The following COG7 variants were observed in gnomAD, a reference collection of about 807,000 sequenced individuals.
The protein encoded by COG7 is conserved oligomeric Golgi complex subunit 7.
COG7 carries 49 observed loss-of-function variants against 91.5 expected under a neutral mutation model. The ratio of observed to expected loss-of-function variants is 0.54; its 90% CI spans 0.43 to 0.68. The LOEUF (loss-of-function observed/expected upper bound fraction) is 0.68, where lower values mean the gene tolerates loss of function less well. Ranked by LOEUF, COG7 falls within the 30% of genes least tolerant of loss-of-function variation. The pLI is 0.00. For synonymous variants in COG7, 365 were observed against 388.7 expected (o/e 0.94, Z 0.72); for missense variants, 895 against 961.3 (o/e 0.93, Z 0.91).
rs564535032 is a variant in COG7 at position 23,433,045 on chromosome 16, C to T, written c.810+500G>A. Among the ~76,000 whole-genome samples, 3 of 152,222 alleles carry T rather than the reference C, an allele frequency of 2.0e-5. No homozygotes were observed. In the East Asian group the frequency reaches 5.8e-4, roughly 29 times the overall value. On this transcript the variant is annotated intron_variant, in intron 6 of 16. Coordinates refer to ENST00000307149, the MANE Select transcript of COG7 (RefSeq NM_153603.4). ...AGTGGAGACCTAAAGATTTCACTGA[C>T]GTGGATTTCTAAGCTTATCTTTTAA...
chr16:23,453,161 C>A lies in COG7; in HGVS notation c.-167G>T, dbSNP rs139597077. 810 of 1,416,960 alleles carry A rather than the reference C, an allele frequency of 5.7e-4. 5 individuals are homozygous for A. The African/African-American group carries it at 9.7e-3, about 17-fold the overall frequency. The allele number at this position is 1,416,960 out of a possible 1,614,324, so 87.8% of individuals were successfully genotyped here. On this transcript the variant is annotated 5_prime_UTR_variant, in exon 1 of 17. Transcript: ENST00000307149. The stretch of plus-strand genomic sequence containing the variant: ...CCCCTTTGCGCTTCCCCGCTCAGCG[C>A]ACTCAGTTTGCGGCTGGGAATGACC...
At chr16:23,403,861 T>C (rs1461013225) in intron 12 of COG7, 27 bp from the exon 13 acceptor site, 7 of 1,613,974 alleles carry the variant, frequency 4.3e-6, no homozygotes, top group Admixed American at 3.3e-5. Flanking sequence ...CAAAAGGCAG[T>C]TGTTAGGCCT....
chr16:23,390,060 A>G (rs1456466768), intron 16 of COG7: 1 of 152,242 alleles, frequency 6.6e-6, no homozygotes, highest in Non-Finnish European at 1.5e-5. Context: ...CAATATATCA[A>G]TGCTGCCTTT....
intron 1 of COG7, among the ~76,000 whole-genome samples, chr16:23,450,582 C>T (rs1187338152): frequency 3.3e-5 from 5 of 152,082 alleles, no homozygotes; most frequent in African/African-American, 1.2e-4. Flanking sequence ...AATCCCAGCA[C>T]TTTAGGAGGC....
Position 23,445,391 on chromosome 16 carries a change from G to A in COG7, c.319-227C>T, listed in dbSNP as rs777682549. Among the ~76,000 whole-genome samples, 5 of 152,090 alleles carry A rather than the reference G, an allele frequency of 3.3e-5. No individual in the cohort carries two copies. In the East Asian group the frequency reaches 7.7e-4, roughly 23 times the overall value. ...CGGGGAGCCAGGCACAGTGGCTCAC[G>A]CCTGTAATCCCAGCACTTTGGGAGG... On this transcript the variant is annotated intron_variant, in intron 2 of 16. Transcript: ENST00000307149.
rs146260097 is a variant in COG7, at chr16:23,413,617, C to G, written c.1293-53G>C. 37 of 945,288 alleles carry G rather than the reference C, an allele frequency of 3.9e-5. No homozygotes were observed. In the African/African-American group the frequency reaches 5.8e-4, roughly 15 times the overall value. 58.6% of individuals were successfully genotyped at this position (945,288 alleles called of 1,614,324 possible). A position where few individuals can be genotyped will look rare whatever the true frequency, so the allele number is the denominator to read the frequency against. Reference sequence around the variant, plus strand: ...GGAGGTCACCACTGATTCCCCAACTCTAAAGAGACCTGGAATTCTACAGCT... The same window carrying G: ...GGAGGTCACCACTGATTCCCCAACTGTAAAGAGACCTGGAATTCTACAGCT... On this transcript the variant is annotated intron_variant, in intron 9 of 16. Coordinates refer to ENST00000307149, the MANE Select transcript of COG7 (RefSeq NM_153603.4).
At chr16:23,405,631 C>T (rs781184419) in intron 12 of COG7, among the ~76,000 whole-genome samples, 9 of 151,964 alleles carry the variant, frequency 5.9e-5, no homozygotes, top group Non-Finnish European at 1.2e-4. Context: ...ATTCTCCCAC[C>T]TCTGCCTCCC....
rs767276523 is a variant in COG7, at chr16:23,425,806, C to T, written c.811-859G>A. On this transcript the variant is annotated intron_variant, in intron 6 of 16. Coordinates refer to ENST00000307149, the MANE Select transcript of COG7 (RefSeq NM_153603.4). ...GCAAGACTTGGAACTTGCAACTTGC[C>T]TAGAACAACTGGCAAGTTCATGTCT... Among the ~76,000 whole-genome samples, 39 of 152,272 alleles carry T rather than the reference C, an allele frequency of 2.6e-4. No individual in the cohort carries two copies. The Middle Eastern group carries it at 0.014, about 53-fold the overall frequency.
intron 15 of COG7, among the ~76,000 whole-genome samples, 185 bp from the exon 16 acceptor site, chr16:23,392,708 T>A (rs576364555): frequency 6.6e-6 from 1 of 152,146 alleles, no homozygotes; most frequent in South Asian, 2.1e-4. Flanking sequence ...GGCAGGCGGA[T>A]CATTTGAGGT....
chr16:23,433,757 C>T (rs569866478), intron 5 of COG7, 90 bp from the exon 6 acceptor site: 36 of 1,523,704 alleles, frequency 2.4e-5, no homozygotes, highest in South Asian at 2.0e-4. Flanking sequence ...AGCGTAATCA[C>T]GGATTGCTCA....
In COG7 at chr16:23,414,915, C is replaced by T. The variant is rs1177350183; in HGVS notation, c.1293-1351G>A. ...GCCTTGCCGCTTGCCCCTCCCAAAA[C>T]GAAGCTCTAAATGAGGAAAGTGAAA... On this transcript the variant is annotated intron_variant, in intron 9 of 16. Coordinates refer to ENST00000307149, the MANE Select transcript of COG7 (RefSeq NM_153603.4). 3.3e-5 allele frequency: 5 copies of T among 152,198 alleles called. 1 individual carries two copies. Among genetic ancestry groups the T allele is most frequent in the South Asian group, 4.1e-4 (2 of 4,830 alleles). 9.4% of individuals were successfully genotyped at this position (152,198 alleles called of 1,614,324 possible). A position where few individuals can be genotyped will look rare whatever the true frequency, so the allele number is the denominator to read the frequency against.
rs765706024 is a variant in COG7 at position 23,403,843 on chromosome 16, A to T, written c.1663-9T>A. ...TTGCTTGACCCTTTTTCCTAAGACA[A>T]GAAAATGCAAAAGGCAGTTGTTAGG... is the stretch of plus-strand genomic sequence containing the variant. On this transcript the variant is annotated splice_polypyrimidine_tract_variant and intron_variant, in intron 12 of 16. Transcript: ENST00000307149. 3 of 1,614,214 alleles carry T rather than the reference A, an allele frequency of 1.9e-6. No individual in the cohort carries two copies. The East Asian group carries it at 6.7e-5, about 36-fold the overall frequency.
In COG7 at chr16:23,403,683, G is replaced by A. The variant is rs1419413555; in HGVS notation, c.1803+11C>T. 6.2e-7 allele frequency: 1 copy of A among 1,613,928 alleles called. No individual in the cohort carries two copies. ...CCCGGGAAAAATTGATGTGGTCAGT[G>A]AGAAACTCACGTCCATCTTCGAAAT... On this transcript the variant is annotated intron_variant, in intron 13 of 16. Transcript: ENST00000307149.
chr16:23,453,183 G>A lies in COG7; in HGVS notation c.-189C>T. ...GCGCACTCAGTTTGCGGCTGGGAAT[G>A]ACCCTCGCCGCCCGCCGTTCTTCTT... On this transcript the variant is annotated 5_prime_UTR_variant, in exon 1 of 17. Coordinates refer to ENST00000307149, the MANE Select transcript of COG7 (RefSeq NM_153603.4). The A allele has an allele frequency of 3.0e-6, 4 of 1,314,576 alleles. No homozygotes were observed. The highest frequency in any genetic ancestry group is 3.0e-6 in the Non-Finnish European group (3 of 991,894). The allele number at this position is 1,314,576 out of a possible 1,614,324, so 81.4% of individuals were successfully genotyped here.
chr16:23,428,663 C>A lies in COG7; in HGVS notation c.811-3716G>T, dbSNP rs549689487. On this transcript the variant is annotated intron_variant, in intron 6 of 16. Transcript: ENST00000307149. ...CTATGTAGGAGTGGAAAAAGTACAA[C>A]CACTTTGAGCAATGTGGTTGTTTCT... is the stretch of plus-strand genomic sequence containing the variant. 5.8e-4 allele frequency among the ~76,000 whole-genome samples: 88 copies of A among 151,794 alleles called. 1 individual carries two copies. Among genetic ancestry groups the A allele is most frequent in the Admixed American group, 2.5e-3 (38 of 15,216 alleles).
intron 8 of COG7, chr16:23,417,396 T>A: frequency 2.1e-6 from 1 of 478,482 alleles, no homozygotes; most frequent in South Asian, 2.1e-5. Flanking sequence ...TCTTTTTCTG[T>A]GATTATTAAG....
intron 6 of COG7, among the ~76,000 whole-genome samples, chr16:23,429,323 C>T (rs1481418017): frequency 2.0e-5 from 3 of 151,972 alleles, no homozygotes; most frequent in Non-Finnish European, 2.9e-5. Flanking sequence ...CATACACCTA[C>T]GATTTGACCC....
intron 3 of COG7, among the ~76,000 whole-genome samples, chr16:23,443,890 G>C (rs1250787667): frequency 1.3e-5 from 2 of 151,532 alleles, no homozygotes; most frequent in African/African-American, 4.8e-5. Context: ...GGTGACTCAC[G>C]CCTGTAATCC....
At chr16:23,430,547 GTT>G (rs879312340) in intron 6 of COG7, among the ~76,000 whole-genome samples, 1 of 145,158 alleles carries the variant, frequency 6.9e-6, no homozygotes, top group Non-Finnish European at 1.5e-5. Flanking sequence ...AACTTACTCT[GTT>G]TTTTTTTTTT....
Sources: gnomAD v4.1 joint callset for allele counts (sites outside exome capture counted in the v4.1 genomes callset) on GRCh38, gnomAD v4.1.1 for gene constraint, MANE v1.5 for transcripts, NCBI Gene and HGNC (gene_info 2026-07-23, HGNC 2026-07-21) for gene names.